Variants in XKR6 observed in about 807,000 individuals in gnomAD.
XKR6 encodes the protein XK related 6.
In XKR6, 22 loss-of-function variants were observed where a neutral mutation model predicts 56.7. The ratio of observed to expected loss-of-function variants is 0.39; its 90% confidence interval spans 0.28 to 0.55. XKR6 has a LOEUF of 0.55. Among genes scored for constraint, XKR6 ranks in the 20% least tolerant of loss-of-function variants. The pLI, the probability that XKR6 is intolerant of heterozygous loss-of-function variation, is 0.66. For synonymous variants in XKR6, 524 were observed against 387.8 expected, an observed-to-expected ratio of 1.35 and a Z score of -4.13; for missense variants, 852 against 889.0, an observed-to-expected ratio of 0.96 and a Z score of 0.53.
At chr8:11,009,839 C>T (rs7016361) in intron 1 of XKR6, among the ~76,000 whole-genome samples, 41,200 of 152,156 alleles carry the variant, frequency 0.27, 6,365 homozygotes, top group Middle Eastern at 0.37. Flanking sequence ...GACAAATGTT[C>T]CCCACTAATG....
intron 1 of XKR6, chr8:11,124,052 T>A (rs1224664986): frequency 4.4e-6 from 2 of 455,244 alleles, no homozygotes; most frequent in African/African-American, 4.0e-5. Context: ...CCTCCTGTCC[T>A]GCTTGAGCTC....
intron 1 of XKR6, among the ~76,000 whole-genome samples, chr8:11,059,013 A>G (rs7016760): frequency 0.41 from 62,059 of 152,166 alleles, 16,491 homozygotes; most frequent in African/African-American, 0.76. Flanking sequence ...GAAGCTCAGA[A>G]AGTTGAAATA....
At chr8:11,022,804 C>G (rs983198301) in intron 1 of XKR6, among the ~76,000 whole-genome samples, 4 of 152,196 alleles carry the variant, frequency 2.6e-5, no homozygotes, top group African/African-American at 9.7e-5. Context: ...ACTACAAAAG[C>G]AGAGAAATAT....
chr8:11,052,617 G>T (rs994857741), intron 1 of XKR6, among the ~76,000 whole-genome samples: 22 of 152,064 alleles, frequency 1.4e-4, no homozygotes, highest in Non-Finnish European at 2.8e-4. Flanking sequence ...GCCTGTGGGG[G>T]AGCCCAGAGC....
rs1799861253 is a variant in XKR6 at position 11,127,357 on chromosome 8, CTTTTCT to C, written c.764+73213_764+73218del. Among the ~76,000 whole-genome samples the C allele has an allele frequency of 4.6e-5, 7 of 152,322 alleles. No individual in the cohort carries two copies. In the East Asian group the frequency reaches 1.2e-3, roughly 25 times the overall value. ...CTTCACCACATAATAAGTTACCCAT[CTTTTCT>C]AAATTTCAGTATTAGTTTCACTATA... On this transcript the variant is annotated intron_variant, in intron 1 of 2. Transcript: ENST00000416569.
chr8:10,900,350 G>A (rs912752311), intron 2 of XKR6, among the ~76,000 whole-genome samples: 1 of 152,124 alleles, frequency 6.6e-6, no homozygotes, highest in African/African-American at 2.4e-5. Flanking sequence ...ACTCTCCGAA[G>A]CCCGATGAAG....
chr8:11,201,198 G>A lies in XKR6; in HGVS notation c.142C>T (p.Pro48Ser), dbSNP rs1443833750. ...GCGGGGDGSE[P>S]GESSSMHICH... ...ATGTGCATCGAGCTGCTCTCGCCGG[G>A]CTCGCTGCCGTCGCCGCCGCCGCCG... The change falls in exon 1 of 3, where the codon CCC becomes TCC. Residue 48 changes from proline to serine, a missense_variant. Around this residue, in one of 4 missense-constraint regions of XKR6, gnomAD observed 417 missense variants for 355.2 expected, o/e 1.17. Transcript: ENST00000416569. 2.0e-6 allele frequency: 3 copies of A among 1,529,598 alleles called. No homozygotes were observed. The highest frequency in any genetic ancestry group is 2.5e-5 in the East Asian group (1 of 40,254). 94.8% of individuals were successfully genotyped at this position (1,529,598 alleles called of 1,614,324 possible). A position where few individuals can be genotyped will look rare whatever the true frequency, so the allele number is the denominator to read the frequency against.
intron 1 of XKR6, among the ~76,000 whole-genome samples, chr8:11,056,522 T>C (rs1184571851): frequency 6.6e-6 from 1 of 152,150 alleles, no homozygotes; most frequent in East Asian, 1.9e-4. Context: ...GATGTTCATC[T>C]ACCCCAAATG....
At chr8:11,091,123 T>C (rs536550552) in intron 1 of XKR6, among the ~76,000 whole-genome samples, 1 of 152,234 alleles carries the variant, frequency 6.6e-6, no homozygotes, top group South Asian at 2.1e-4. Context: ...AAGCAAGGGC[T>C]ATTGCTAGAG....
At chr8:10,935,358 AT>A (rs1801179542) in intron 1 of XKR6, among the ~76,000 whole-genome samples, 1 of 131,144 alleles carries the variant, frequency 7.6e-6, no homozygotes, top group Non-Finnish European at 1.6e-5. Context: ...CAGCTCCTGG[AT>A]TCATTGATTT....
chr8:11,061,327 G>A lies in XKR6; in HGVS notation c.765-136497C>T, dbSNP rs146056534. ...AAAAAGATACAAAAATTAGCCAGGC[G>A]TGATGGTGTGCACCTGTAGTCCCAG... is the stretch of plus-strand genomic sequence containing the variant. On this transcript the variant is annotated intron_variant, in intron 1 of 2. Coordinates refer to ENST00000416569, the MANE Select transcript of XKR6 (RefSeq NM_173683.4). 3.0e-3 allele frequency among the ~76,000 whole-genome samples: 457 copies of A among 152,254 alleles called. 2 individuals carry two copies. Among genetic ancestry groups the A allele is most frequent in the South Asian group, 0.013 (62 of 4,818 alleles).
chr8:11,159,415 C>A (rs1380638806), intron 1 of XKR6, among the ~76,000 whole-genome samples: 1 of 152,198 alleles, frequency 6.6e-6, no homozygotes, highest in Non-Finnish European at 1.5e-5. Flanking sequence ...AAATACTGAC[C>A]TAGATCGCGA....
At chr8:10,988,499 C>T (rs1390635014) in intron 1 of XKR6, among the ~76,000 whole-genome samples, 1 of 152,168 alleles carries the variant, frequency 6.6e-6, no homozygotes, top group African/African-American at 2.4e-5. Context: ...CTGAGAACCC[C>T]CACTGTCACG....
chr8:11,117,049 G>T (rs573620775), intron 1 of XKR6, among the ~76,000 whole-genome samples: 24 of 152,290 alleles, frequency 1.6e-4, no homozygotes, highest in African/African-American at 5.5e-4. Flanking sequence ...ATGAATTCTA[G>T]TGAGTTAGTT....
intron 1 of XKR6, among the ~76,000 whole-genome samples, chr8:11,050,625 T>C (rs1799523589): frequency 6.7e-6 from 1 of 149,668 alleles, no homozygotes; most frequent in Admixed American, 6.6e-5. Flanking sequence ...AGAAAAGCTA[T>C]GAAGAAAGAG....
chr8:11,170,876 C>T (rs902624640), intron 1 of XKR6, among the ~76,000 whole-genome samples: 25 of 152,146 alleles, frequency 1.6e-4, no homozygotes, highest in African/African-American at 5.8e-4. Flanking sequence ...ATATTCTGAG[C>T]TTTAAATAAT....
At chr8:10,948,974 G>T (rs576373637) in intron 1 of XKR6, among the ~76,000 whole-genome samples, 1 of 152,234 alleles carries the variant, frequency 6.6e-6, no homozygotes, top group East Asian at 1.9e-4. Context: ...GGGCGGTGCA[G>T]CCTCTCGGGA....
At chr8:11,017,490 G>T (rs999412670) in intron 1 of XKR6, among the ~76,000 whole-genome samples, 1 of 145,526 alleles carries the variant, frequency 6.9e-6, no homozygotes, top group Non-Finnish European at 1.5e-5. Context: ...GGGCTGCAAG[G>T]TTGCCTGCAA....
chr8:10,979,276 G>C (rs1344232436), intron 1 of XKR6, among the ~76,000 whole-genome samples: 1 of 151,960 alleles, frequency 6.6e-6, no homozygotes. Flanking sequence ...GAACTCAATA[G>C]GAATTTGTTG....
Sources: gnomAD v4.1 joint callset for allele counts (sites outside exome capture counted in the v4.1 genomes callset) on GRCh38, gnomAD v4.1.1 for gene constraint, gnomAD v4.1.1 regional missense constraint, MANE v1.5 for transcripts, NCBI Gene and HGNC (gene_info 2026-07-23, HGNC 2026-07-21) for gene names.